CPM: variants seen among roughly 807,000 people sequenced by gnomAD.
The protein encoded by CPM is renal carboxypeptidase.
A neutral mutation model predicts 46.4 loss-of-function variants in CPM; 35 were observed. The observed-to-expected ratio is 0.75, with a 90% CI of 0.58 to 1.00. CPM has a LOEUF of 1.00. Ranked by LOEUF, CPM falls within the 50% of genes least tolerant of loss-of-function variation. The pLI is 0.00. For missense variants in CPM, 422 were observed against 530.4 expected (o/e 0.80, Z 2.01); for synonymous variants, 195 against 195.3 (o/e 1.00, Z 0.01).
intron 2 of CPM, among the ~76,000 whole-genome samples, chr12:68,926,270 A>G (rs1409868634): frequency 1.3e-5 from 2 of 152,170 alleles, no homozygotes; most frequent in African/African-American, 2.4e-5. Context: ...AAATATTATC[A>G]TTTCAACATG....
chr12:68,858,388 T>C (rs1011410279), intron 8 of CPM, among the ~76,000 whole-genome samples: 1 of 152,166 alleles, frequency 6.6e-6, no homozygotes, highest in Non-Finnish European at 1.5e-5. Context: ...CTCAGAAATA[T>C]ATATTTTATG....
chr12:68,851,838 GTCA>G lies in CPM; in HGVS notation c.*4596_*4598del, dbSNP rs1384889348. ...CTTTCAATGCTCTTTAACTAGTCTG[GTCA>G]TCATAATTTTCTCCCCCTTCCCCCT... On this transcript the variant is annotated 3_prime_UTR_variant, in exon 9 of 9. Coordinates refer to ENST00000551568, the MANE Select transcript of CPM (RefSeq NM_198320.5). 6.6e-6 allele frequency: 1 copy of G among 152,088 alleles called. No homozygotes were observed. The highest frequency in any genetic ancestry group is 1.5e-5 in the Non-Finnish European group (1 of 68,028). 9.4% of individuals were successfully genotyped at this position (152,088 alleles called of 1,614,324 possible). A position where few individuals can be genotyped will look rare whatever the true frequency, so the allele number is the denominator to read the frequency against.
chr12:68,928,990 G>A (rs1888390722), intron 2 of CPM, among the ~76,000 whole-genome samples: 1 of 151,328 alleles, frequency 6.6e-6, no homozygotes, highest in Non-Finnish European at 1.5e-5. Context: ...TTATAGACGT[G>A]AGCCACCACA....
chr12:68,941,836 C>A (rs1888769518), intron 1 of CPM, among the ~76,000 whole-genome samples: 1 of 152,156 alleles, frequency 6.6e-6, no homozygotes, highest in South Asian at 2.1e-4. Flanking sequence ...TCAGTACCCC[C>A]AGCAAAACCG....
At chr12:68,870,138 G>A in intron 5 of CPM, 77 bp downstream of exon 5, 1 of 1,406,642 alleles carries the variant, frequency 7.1e-7, no homozygotes, top group Non-Finnish European at 9.7e-7. Context: ...AGGGAGAGCT[G>A]ATCCCCATCC....
At chr12:68,928,214 C>T (rs907761058) in intron 2 of CPM, among the ~76,000 whole-genome samples, 7 of 152,150 alleles carry the variant, frequency 4.6e-5, no homozygotes, top group Non-Finnish European at 1.0e-4. Flanking sequence ...AGAAATAACG[C>T]CGCATATCTA....
Position 68,921,296 on chromosome 12 carries a change from C to A in CPM, c.160+11382G>T, listed in dbSNP as rs2453750. Reference sequence around the variant, plus strand: ...AGCTGGAATTACAGGCACCTGCCACCATGCCCGGCTAATTTTTGTAATTTT... The same window carrying A: ...AGCTGGAATTACAGGCACCTGCCACAATGCCCGGCTAATTTTTGTAATTTT... On this transcript the variant is annotated intron_variant, in intron 2 of 8. Transcript: ENST00000551568. Among the ~76,000 whole-genome samples the A allele has an allele frequency of 2.6e-5, 4 of 151,572 alleles. No individual in the cohort carries two copies. In the East Asian group the frequency reaches 7.8e-4, roughly 29 times the overall value.
intron 2 of CPM, among the ~76,000 whole-genome samples, chr12:68,890,502 C>T (rs1002688421): frequency 2.6e-5 from 4 of 152,152 alleles, no homozygotes; most frequent in Non-Finnish European, 5.9e-5. Flanking sequence ...GTTGAGGAAA[C>T]TTAAGTGGCA....
intron 1 of CPM, among the ~76,000 whole-genome samples, chr12:68,941,332 C>T (rs1000518655): frequency 3.3e-5 from 5 of 152,140 alleles, no homozygotes; most frequent in South Asian, 4.1e-4. Context: ...AGAAATAACT[C>T]GCCCAATAAG....
upstream of CPM, among the ~76,000 whole-genome samples, chr12:68,937,263 T>C (rs1011639775): frequency 2.6e-5 from 4 of 152,218 alleles, no homozygotes; most frequent in Non-Finnish European, 5.9e-5. Flanking sequence ...TGTGACAAAG[T>C]AGATAAAACC....
At position 68,869,410 on chromosome 12, in the gene CPM, G is replaced by A. The variant is rs574706948; in HGVS notation, c.702C>T (p.Pro234=). 10 of 1,613,946 alleles carry A rather than the reference G, an allele frequency of 6.2e-6. No individual in the cohort carries two copies. The East Asian group carries it at 1.8e-4, about 29-fold the overall frequency. The change falls in exon 6 of 9, where the codon CCC becomes CCT. Residue 234 remains proline, a synonymous_variant. Transcript: ENST00000551568. ...YLAHTYASRN[P]NMKKGDECKN... The stretch of plus-strand genomic sequence containing the variant: ...TACACTCGTCTCCTTTCTTCATGTT[G>A]GGATTTCTTGAAGCATAGGTATGTG...
At chr12:68,869,924 T>C (rs1405029417) in intron 5 of CPM, among the ~76,000 whole-genome samples, 1 of 152,192 alleles carries the variant, frequency 6.6e-6, no homozygotes, top group Non-Finnish European at 1.5e-5. Flanking sequence ...ATTTTAGCCA[T>C]GTTGTCTCTT....
chr12:68,910,010 AGAAGAAGAG>A (rs1264664724), intron 2 of CPM, among the ~76,000 whole-genome samples: 5 of 152,052 alleles, frequency 3.3e-5, no homozygotes, highest in Admixed American at 1.3e-4. Context: ...ATGAAGAAGA[AGAAGAAGAG>A]GAAGAAGAGG....
chr12:68,924,811 A>G (rs1406729391), intron 2 of CPM, among the ~76,000 whole-genome samples: 1 of 152,322 alleles, frequency 6.6e-6, no homozygotes, highest in East Asian at 1.9e-4. Context: ...AAAATTTTAT[A>G]TACAATGCTG....
intron 1 of CPM, among the ~76,000 whole-genome samples, chr12:68,953,868 T>C (rs1054999593): frequency 2.6e-5 from 4 of 152,398 alleles, no homozygotes; most frequent in African/African-American, 7.2e-5. Context: ...AATGTTTTGC[T>C]AGTTGTGGGA....
chr12:68,954,844 T>C (rs751986865), intron 1 of CPM, among the ~76,000 whole-genome samples: 17 of 152,210 alleles, frequency 1.1e-4, no homozygotes, highest in Non-Finnish European at 1.8e-4. Context: ...AATACCACCT[T>C]ACATTACAGT....
chr12:68,909,601 G>A (rs529509034), intron 2 of CPM, among the ~76,000 whole-genome samples: 1 of 152,120 alleles, frequency 6.6e-6, no homozygotes, highest in South Asian at 2.1e-4. Context: ...GTCCATCAAT[G>A]ATAGACTGGA....
chr12:68,896,357 T>C (rs1300458600), intron 2 of CPM, among the ~76,000 whole-genome samples: 20 of 152,040 alleles, frequency 1.3e-4, no homozygotes, highest in Admixed American at 1.3e-3. Context: ...CTATCATTTA[T>C]TGAAACCAAA....
chr12:68,918,697 G>A (rs993239139), intron 2 of CPM, among the ~76,000 whole-genome samples: 1 of 151,966 alleles, frequency 6.6e-6, no homozygotes, highest in African/African-American at 2.4e-5. Flanking sequence ...TTCCAAAACA[G>A]ATTTCCAATC....
Sources: gnomAD v4.1 joint callset for allele counts (sites outside exome capture counted in the v4.1 genomes callset) on GRCh38, gnomAD v4.1.1 for gene constraint, MANE v1.5 for transcripts, NCBI Gene and HGNC (gene_info 2026-07-23, HGNC 2026-07-21) for gene names.